The following EDIL3 variants were observed in gnomAD, a reference collection of about 807,000 sequenced individuals.
EDIL3 encodes EGF-like repeat and discoidin I-like domain-containing protein 3.
A neutral mutation model predicts 67.4 loss-of-function variants in EDIL3; 37 were observed. That is an observed-to-expected ratio of 0.55 (90% CI 0.42 to 0.72). The LOEUF (loss-of-function observed/expected upper bound fraction) is 0.72, where lower values mean the gene tolerates loss of function less well. Among genes scored for constraint, EDIL3 ranks in the 30% least tolerant of loss-of-function variants. EDIL3 has a pLI of 0.00. For synonymous variants in EDIL3, 195 were observed against 196.3 expected (o/e 0.99, Z 0.05); for missense variants, 527 against 586.3 (o/e 0.90, Z 1.04).
At chr5:84,066,960 A>T (rs548372592) in intron 6 of EDIL3, among the ~76,000 whole-genome samples, 1 of 152,332 alleles carries the variant, frequency 6.6e-6, no homozygotes, top group South Asian at 2.1e-4. Context: ...CAGTGTCATT[A>T]CTATAAAACT....
intron 1 of EDIL3, among the ~76,000 whole-genome samples, chr5:84,298,500 A>G (rs975504789): frequency 4.6e-5 from 7 of 152,164 alleles, no homozygotes; most frequent in African/African-American, 1.7e-4. Flanking sequence ...AGCATCAGGA[A>G]AAACAGCTAA....
chr5:84,280,705 C>T (rs761643162), intron 1 of EDIL3, among the ~76,000 whole-genome samples: 9 of 151,998 alleles, frequency 5.9e-5, no homozygotes, highest in Non-Finnish European at 1.3e-4. Flanking sequence ...GAAATCTCAA[C>T]ACTTTGGAAA....
At chr5:84,162,529 T>C (rs186620855) in intron 4 of EDIL3, among the ~76,000 whole-genome samples, 47 of 152,224 alleles carry the variant, frequency 3.1e-4, no homozygotes, top group African/African-American at 1.1e-3. Context: ...GGCTCTTTTT[T>C]TCCTGGGACA....
Position 84,293,839 on chromosome 5 carries a change from G to T in EDIL3, c.68-39627C>A, listed in dbSNP as rs534251594. Among the ~76,000 whole-genome samples the T allele has an allele frequency of 8.8e-4, 133 of 150,586 alleles. 3 individuals carry two copies. The highest frequency in any genetic ancestry group is 3.2e-3 in the African/African-American group (131 of 40,780). On this transcript the variant is annotated intron_variant, in intron 1 of 10. Transcript: ENST00000296591. ...TTTTCTCTTGAAAACAATTCAATACGATGTATGTTTGTTTTATTCACTTTT... is the reference window on the plus strand; with the variant it reads ...TTTTCTCTTGAAAACAATTCAATACTATGTATGTTTGTTTTATTCACTTTT...
intron 4 of EDIL3, among the ~76,000 whole-genome samples, chr5:84,164,760 G>A (rs750964683): frequency 6.6e-5 from 10 of 152,092 alleles, no homozygotes; most frequent in Non-Finnish European, 1.5e-4. Context: ...GACTCAGGCA[G>A]AAATTATCTT....
intron 4 of EDIL3, among the ~76,000 whole-genome samples, chr5:84,146,491 GT>G (rs1713132721): frequency 6.6e-6 from 1 of 152,084 alleles, no homozygotes; most frequent in Non-Finnish European, 1.5e-5. Flanking sequence ...CATAGTCCTT[GT>G]TCTCAAAACG....
intron 5 of EDIL3, among the ~76,000 whole-genome samples, chr5:84,114,098 A>G (rs145136312): frequency 2.7e-4 from 41 of 151,262 alleles, no homozygotes; most frequent in Admixed American, 9.2e-4. Context: ...GGGAGGGATC[A>G]AGGCTACTCT....
chr5:84,283,057 C>T (rs116679066), intron 1 of EDIL3, among the ~76,000 whole-genome samples: 532 of 150,974 alleles, frequency 3.5e-3, no homozygotes, highest in African/African-American at 0.011. Flanking sequence ...TTTTAACCAA[C>T]GTTACTGTGA....
intron 2 of EDIL3, among the ~76,000 whole-genome samples, chr5:84,239,224 C>A (rs1330399051): frequency 6.6e-6 from 1 of 152,048 alleles, no homozygotes. Flanking sequence ...TATATACACC[C>A]TAGTCATCAT....
At chr5:84,010,693 C>T (rs1155794) in intron 9 of EDIL3, among the ~76,000 whole-genome samples, 30,502 of 152,080 alleles carry the variant, frequency 0.2, 3,306 homozygotes, top group East Asian at 0.41. Context: ...TATACACAAT[C>T]ACCCTAATTG....
chr5:84,245,373 A>G (rs1744888558), intron 2 of EDIL3, among the ~76,000 whole-genome samples: 1 of 152,176 alleles, frequency 6.6e-6, no homozygotes, highest in African/African-American at 2.4e-5. Context: ...TGAATAAGTG[A>G]GCATAAGTCC....
At chr5:84,273,201 T>G (rs1385112024) in intron 1 of EDIL3, among the ~76,000 whole-genome samples, 3 of 152,182 alleles carry the variant, frequency 2.0e-5, no homozygotes, top group Non-Finnish European at 4.4e-5. Flanking sequence ...AATTTTTCCC[T>G]CACTACATTT....
intron 1 of EDIL3, among the ~76,000 whole-genome samples, chr5:84,381,879 T>A (rs1390815158): frequency 6.6e-6 from 1 of 152,204 alleles, no homozygotes; most frequent in African/African-American, 2.4e-5. Context: ...GAGTTACATA[T>A]CCTTATCAAA....
intron 3 of EDIL3, among the ~76,000 whole-genome samples, chr5:84,225,237 A>G (rs1013483128): frequency 6.6e-6 from 1 of 151,770 alleles, no homozygotes; most frequent in African/African-American, 2.4e-5. Context: ...CATGCCTACT[A>G]TTAGAAATGC....
chr5:84,199,826 T>A (rs1355316519), intron 3 of EDIL3, among the ~76,000 whole-genome samples: 4 of 151,998 alleles, frequency 2.6e-5, no homozygotes, highest in Non-Finnish European at 4.4e-5. Context: ...CAGCTGCGTT[T>A]AAAGCTCCAT....
intron 1 of EDIL3, among the ~76,000 whole-genome samples, chr5:84,338,940 A>G (rs1377729499): frequency 6.6e-6 from 1 of 152,102 alleles, no homozygotes; most frequent in African/African-American, 2.4e-5. Flanking sequence ...TAAATTTATC[A>G]TTTTGGGCTG....
chr5:84,082,102 T>C (rs1170113674), intron 6 of EDIL3, among the ~76,000 whole-genome samples: 1 of 152,278 alleles, frequency 6.6e-6, no homozygotes, highest in Non-Finnish European at 1.5e-5. Flanking sequence ...TTGCCAGTTA[T>C]GGCCCCTGAT....
At chr5:84,225,995 A>C (rs1196057547) in intron 3 of EDIL3, among the ~76,000 whole-genome samples, 3 of 151,652 alleles carry the variant, frequency 2.0e-5, no homozygotes, top group Non-Finnish European at 4.4e-5. Context: ...CTATTACTTT[A>C]CTTTGAGAAG....
chr5:84,319,494 CAAAAAAAAAAAAA>C lies in EDIL3; in HGVS notation c.67+64801_67+64813del, dbSNP rs55738450. On this transcript the variant is annotated intron_variant, in intron 1 of 10. Coordinates refer to ENST00000296591, the MANE Select transcript of EDIL3 (RefSeq NM_005711.5). ...AAAAAAAACAAAAAACAAAAAACAA[CAAAAAAAAAAAAA>C]AAAAAAAAAAAAAAAAGAAATAGGA... Among the ~76,000 whole-genome samples the C allele has an allele frequency of 2.2e-3, 95 of 42,848 alleles. 5 individuals carry two copies. The highest frequency in any genetic ancestry group is 3.4e-3 in the Non-Finnish European group (79 of 23,252). 28.1% of individuals were successfully genotyped at this position (42,848 alleles called of 152,430 possible).
Sources: gnomAD v4.1 joint callset for allele counts (sites outside exome capture counted in the v4.1 genomes callset) on GRCh38, gnomAD v4.1.1 for gene constraint, MANE v1.5 for transcripts, NCBI Gene and HGNC (gene_info 2026-07-23, HGNC 2026-07-21) for gene names.